STAM: variants seen among roughly 807,000 people sequenced by gnomAD.
STAM encodes signal transducing adaptor molecule.
In STAM, 16 loss-of-function variants were observed where a neutral mutation model predicts 63.4. The observed-to-expected ratio is 0.25, with a 90% CI of 0.17 to 0.38. The LOEUF is 0.38. STAM is among the 10% of genes least tolerant of loss of function. The pLI is 1.00. For missense variants in STAM, 636 were observed against 657.1 expected (o/e 0.97, Z 0.35); for synonymous variants, 238 against 223.9 (o/e 1.06, Z -0.56).
At chr10:17,703,065 C>T (rs1026343881) in intron 9 of STAM, among the ~76,000 whole-genome samples, 36 of 149,220 alleles carry the variant, frequency 2.4e-4, no homozygotes, top group African/African-American at 8.1e-4. Context: ...CTTGCAGAAG[C>T]AGACTAATCA....
intron 5 of STAM, 102 bp downstream of exon 5, chr10:17,688,275 T>G (rs1835377912): frequency 2.5e-6 from 3 of 1,207,830 alleles, no homozygotes; most frequent in Non-Finnish European, 3.3e-6. Context: ...TTTTACTACT[T>G]CAGAGGAATT....
At chr10:17,663,104 A>G (rs1554823070) in intron 2 of STAM, among the ~76,000 whole-genome samples, 1 of 152,038 alleles carries the variant, frequency 6.6e-6, no homozygotes, top group African/African-American at 2.4e-5. Context: ...TAAATATTCC[A>G]TGTTTTTCCA....
At chr10:17,667,679 A>T (rs782750474) in intron 2 of STAM, among the ~76,000 whole-genome samples, 1 of 152,374 alleles carries the variant, frequency 6.6e-6, no homozygotes, top group Middle Eastern at 3.4e-3. Flanking sequence ...GATGGTCAAT[A>T]GCTAAGAAGC....
chr10:17,708,507 T>C (rs1188467352), intron 12 of STAM, among the ~76,000 whole-genome samples: 2 of 152,154 alleles, frequency 1.3e-5, no homozygotes, highest in Non-Finnish European at 2.9e-5. Flanking sequence ...TAAAGGGAGA[T>C]TAGTATAAAG....
intron 4 of STAM, among the ~76,000 whole-genome samples, chr10:17,687,444 G>A (rs1554826225): frequency 1.3e-5 from 2 of 151,940 alleles, no homozygotes. Context: ...TGCTGAGATC[G>A]AGCCACTGCA....
intron 12 of STAM, among the ~76,000 whole-genome samples, chr10:17,706,319 T>C (rs1186349972): frequency 2.0e-5 from 3 of 149,280 alleles, no homozygotes; most frequent in Admixed American, 2.0e-4. Flanking sequence ...ATTACAGATA[T>C]ATCCATCCCA....
chr10:17,683,792 A>C (rs1473555381), intron 2 of STAM, among the ~76,000 whole-genome samples: 1 of 152,162 alleles, frequency 6.6e-6, no homozygotes, highest in Non-Finnish European at 1.5e-5. Flanking sequence ...ATTTTCTGCT[A>C]GTTGTGTATG....
intron 2 of STAM, among the ~76,000 whole-genome samples, chr10:17,681,047 A>G (rs1835065035): frequency 6.6e-6 from 1 of 152,176 alleles, no homozygotes; most frequent in Non-Finnish European, 1.5e-5. Flanking sequence ...GAACCAGTAT[A>G]CTGTTTTACA....
At chr10:17,673,025 G>T in intron 2 of STAM, 2 of 985,302 alleles carry the variant, frequency 2.0e-6, no homozygotes, top group Non-Finnish European at 2.4e-6. Context: ...ATACCAAAAT[G>T]GGGTTTTAAG....
At position 17,706,369 on chromosome 10, in the gene STAM, C is replaced by CTTTTTT. The variant is rs59585445; in HGVS notation, c.1209+650_1209+655dup. ...AATCAGAATCCTCAGGGTTGAGGCC[C>CTTTTTT]TTTTTTTTTTTTTTTTTTTTTTTTT... On this transcript the variant is annotated intron_variant, in intron 12 of 13. Transcript: ENST00000377524. Among the ~76,000 whole-genome samples, 33 of 70,206 alleles carry CTTTTTT rather than the reference C, an allele frequency of 4.7e-4. 3 individuals carry two copies. The highest frequency in any genetic ancestry group is 5.9e-4 in the Non-Finnish European group (24 of 40,974). 46.1% of individuals were successfully genotyped at this position (70,206 alleles called of 152,430 possible).
chr10:17,646,963 A>G (rs1833543816), intron 1 of STAM, among the ~76,000 whole-genome samples: 1 of 152,244 alleles, frequency 6.6e-6, no homozygotes, highest in Non-Finnish European at 1.5e-5. Context: ...TCTGAGGCTG[A>G]ATCAGAAATT....
chr10:17,693,027 T>A (rs1443636896), intron 5 of STAM, among the ~76,000 whole-genome samples, 195 bp from the exon 6 acceptor site: 1 of 152,170 alleles, frequency 6.6e-6, no homozygotes, highest in Non-Finnish European at 1.5e-5. Flanking sequence ...CCTCTAAGTG[T>A]CTAGTTGCTC....
At chr10:17,703,008 C>CAAAAAAAAAAAAAAAAAAAA (rs71507229) in intron 9 of STAM, among the ~76,000 whole-genome samples, 3 of 67,834 alleles carry the variant, frequency 4.4e-5, no homozygotes, top group Non-Finnish European at 9.1e-5. Context: ...GACTCCATCT[C>CAAAAAAAAAAAAAAAAAAAA]AAAAAAAAAA....
Position 17,693,588 on chromosome 10 carries a change from C to G in STAM, c.535+276C>G, listed in dbSNP as rs138716488. ...AAATTTGTTTTTTGTAGATAGTACA[C>G]GGGAAATGCCATTTGCCACTTGCTT... On this transcript the variant is annotated intron_variant, in intron 6 of 13. Coordinates refer to ENST00000377524, the MANE Select transcript of STAM (RefSeq NM_003473.4). 1.9e-3 allele frequency among the ~76,000 whole-genome samples: 285 copies of G among 152,232 alleles called. 2 individuals are homozygous for G. Among genetic ancestry groups the G allele is most frequent in the African/African-American group, 6.6e-3 (274 of 41,534 alleles).
chr10:17,706,465 G>A (rs1046189230), intron 12 of STAM, among the ~76,000 whole-genome samples: 28 of 132,036 alleles, frequency 2.1e-4, no homozygotes, highest in African/African-American at 7.4e-4. Context: ...TGCAAGCTCC[G>A]CCTTCCGGGT....
intron 2 of STAM, among the ~76,000 whole-genome samples, chr10:17,665,057 T>A (rs1169811957): frequency 6.6e-6 from 1 of 152,084 alleles, no homozygotes; most frequent in African/African-American, 2.4e-5. Context: ...AGAATTATGG[T>A]AGTTTGAAAA....
chr10:17,692,932 C>G (rs797044319), intron 5 of STAM, among the ~76,000 whole-genome samples: 14 of 152,170 alleles, frequency 9.2e-5, no homozygotes, highest in African/African-American at 2.9e-4. Flanking sequence ...GAAATCTTCT[C>G]TAGTCTGTCT....
intron 6 of STAM, among the ~76,000 whole-genome samples, chr10:17,694,466 A>G (rs1835670964): frequency 6.6e-6 from 1 of 152,194 alleles, no homozygotes. Context: ...TAATCAATGC[A>G]CTGATATTAC....
intron 13 of STAM, 58 bp downstream of exon 13, chr10:17,709,009 C>A: frequency 6.5e-7 from 1 of 1,546,852 alleles, no homozygotes; most frequent in Non-Finnish European, 8.8e-7. Context: ...TTTAAGTGCC[C>A]CCAGTTATCT....
Sources: gnomAD v4.1 joint callset for allele counts (sites outside exome capture counted in the v4.1 genomes callset) on GRCh38, gnomAD v4.1.1 for gene constraint, MANE v1.5 for transcripts, NCBI Gene and HGNC (gene_info 2026-07-23, HGNC 2026-07-21) for gene names.